Variants in RAB8B observed in about 807,000 individuals in gnomAD.
RAB8B encodes ras-related protein Rab-8B.
In RAB8B, 11 loss-of-function variants were observed where a neutral mutation model predicts 32.0. The observed-to-expected ratio is 0.34, with a 90% CI of 0.22 to 0.57. The LOEUF (loss-of-function observed/expected upper bound fraction) is 0.57, where lower values mean the gene tolerates loss of function less well. Ranked by LOEUF, RAB8B falls within the 20% of genes least tolerant of loss-of-function variation. The pLI is 0.86. For missense variants in RAB8B, 190 were observed against 258.5 expected, an observed-to-expected ratio of 0.73 and a Z score of 1.82; for synonymous variants, 103 against 89.6, an observed-to-expected ratio of 1.15 and a Z score of -0.85.
At chr15:63,257,672 A>G (rs1466440722) in intron 5 of RAB8B, among the ~76,000 whole-genome samples, 4 of 152,186 alleles carry the variant, frequency 2.6e-5, no homozygotes, top group Non-Finnish European at 5.9e-5. Context: ...CTTTTTGAGG[A>G]ATATATAAGA....
At chr15:63,221,370 C>A (rs1367535426) in intron 1 of RAB8B, among the ~76,000 whole-genome samples, 1 of 152,074 alleles carries the variant, frequency 6.6e-6, no homozygotes, top group Non-Finnish European at 1.5e-5. Flanking sequence ...TGAAGCTATA[C>A]TGTATGTATT....
chr15:63,196,747 T>C (rs1292477671), intron 1 of RAB8B, among the ~76,000 whole-genome samples: 1 of 152,250 alleles, frequency 6.6e-6, no homozygotes, highest in African/African-American at 2.4e-5. Flanking sequence ...GTGTTTAATT[T>C]GGACTCTTAA....
At chr15:63,195,205 G>A (rs1261478136) in intron 1 of RAB8B, among the ~76,000 whole-genome samples, 1 of 152,178 alleles carries the variant, frequency 6.6e-6, no homozygotes, top group Non-Finnish European at 1.5e-5. Context: ...TTTCAAAGCT[G>A]CCAGTAGATT....
chr15:63,212,155 AGT>A (rs1262712209), intron 1 of RAB8B, among the ~76,000 whole-genome samples: 1 of 152,156 alleles, frequency 6.6e-6, no homozygotes, highest in Admixed American at 6.5e-5. Context: ...CTTCCTACAC[AGT>A]GCGTTGTAGT....
intron 2 of RAB8B, among the ~76,000 whole-genome samples, chr15:63,245,769 A>G (rs2038065790): frequency 6.6e-6 from 1 of 152,248 alleles, no homozygotes; most frequent in African/African-American, 2.4e-5. Context: ...GCATATACAT[A>G]ATGAGATATC....
At chr15:63,211,816 A>T (rs12898908) in intron 1 of RAB8B, among the ~76,000 whole-genome samples, 24,018 of 152,116 alleles carry the variant, frequency 0.16, 2,308 homozygotes, top group East Asian at 0.47. Flanking sequence ...TCATTCAACA[A>T]CATGAAGAGC....
chr15:63,201,885 A>G (rs2037654023), intron 1 of RAB8B, among the ~76,000 whole-genome samples: 1 of 152,034 alleles, frequency 6.6e-6, no homozygotes, highest in Non-Finnish European at 1.5e-5. Context: ...TCCTCTCAAA[A>G]CAGGTGCTGG....
chr15:63,255,656 G>T, intron 4 of RAB8B, 72 bp downstream of exon 4: 10 of 1,283,018 alleles, frequency 7.8e-6, no homozygotes, highest in Non-Finnish European at 1.1e-5. Flanking sequence ...TCCTCTGTCT[G>T]CAAGGCAGCT....
At chr15:63,215,857 C>T (rs1019061913) in intron 1 of RAB8B, among the ~76,000 whole-genome samples, 1 of 151,766 alleles carries the variant, frequency 6.6e-6, no homozygotes, top group African/African-American at 2.4e-5. Context: ...GGCAACATGG[C>T]GAGACCCCAT....
At chr15:63,239,568 C>G (rs1217579619) in intron 1 of RAB8B, among the ~76,000 whole-genome samples, 1 of 152,084 alleles carries the variant, frequency 6.6e-6, no homozygotes, top group Non-Finnish European at 1.5e-5. Context: ...AGGCACCCAC[C>G]ACCACACCCA....
At chr15:63,206,509 C>T (rs1238704260) in intron 1 of RAB8B, among the ~76,000 whole-genome samples, 1 of 152,104 alleles carries the variant, frequency 6.6e-6, no homozygotes, top group Non-Finnish European at 1.5e-5. Context: ...ATATTTTCAC[C>T]TTTCCTTGTT....
chr15:63,211,483 G>A (rs2037746050), intron 1 of RAB8B, among the ~76,000 whole-genome samples: 1 of 152,160 alleles, frequency 6.6e-6, no homozygotes, highest in Admixed American at 6.5e-5. Context: ...ATGGCCATTA[G>A]AATAGGAAAG....
chr15:63,266,423 G>T lies in RAB8B; in HGVS notation c.*2804G>T, dbSNP rs555829361. The stretch of plus-strand genomic sequence containing the variant: ...CAATAATCTACCTGTGCATCAGTTA[G>T]TAGGTGCTGCAGGGTTTCTTACTAT... On this transcript the variant is annotated 3_prime_UTR_variant, in exon 8 of 8. Coordinates refer to ENST00000321437, the MANE Select transcript of RAB8B (RefSeq NM_016530.3). The T allele has an allele frequency of 6.5e-6, 1 of 152,702 alleles. No homozygotes were observed. Among genetic ancestry groups the T allele is most frequent in the East Asian group, 1.9e-4 (1 of 5,194 alleles). The allele number at this position is 152,702 out of a possible 1,614,324, so 9.5% of individuals were successfully genotyped here. A position where few individuals can be genotyped will look rare whatever the true frequency, so the allele number is the denominator to read the frequency against.
intron 1 of RAB8B, among the ~76,000 whole-genome samples, chr15:63,240,179 A>G (rs1444389365): frequency 2.0e-5 from 3 of 152,210 alleles, no homozygotes; most frequent in Non-Finnish European, 4.4e-5. Flanking sequence ...TAAATAGTGC[A>G]GTGACATTAC....
intron 1 of RAB8B, among the ~76,000 whole-genome samples, chr15:63,242,417 A>G (rs1277590540): frequency 1.3e-5 from 2 of 152,122 alleles, no homozygotes; most frequent in African/African-American, 2.4e-5. Context: ...GCTCACGCCT[A>G]TAATCCTAAC....
chr15:63,224,395 C>G (rs1441569982), intron 1 of RAB8B, among the ~76,000 whole-genome samples: 2 of 152,134 alleles, frequency 1.3e-5, no homozygotes, highest in Non-Finnish European at 2.9e-5. Context: ...ACTGTAGAAC[C>G]AAGATCATGT....
rs570138345 is a variant in RAB8B at position 63,265,659 on chromosome 15, A to T, written c.*2040A>T. The T allele has an allele frequency of 1.3e-5, 2 of 152,488 alleles. No individual in the cohort carries two copies. The highest frequency in any genetic ancestry group is 2.9e-5 in the Non-Finnish European group (2 of 67,972). 9.4% of individuals were successfully genotyped at this position (152,488 alleles called of 1,614,324 possible). On this transcript the variant is annotated 3_prime_UTR_variant, in exon 8 of 8. Coordinates refer to ENST00000321437, the MANE Select transcript of RAB8B (RefSeq NM_016530.3). The surrounding 1 kb of genome is among the most constrained non-coding windows in gnomAD (Gnocchi z 4.9). ...TTCTCTTAGTAATTTACCTCTGACT[A>T]TTTGGTGTCTTAACGCTTTGGTTTA... is the stretch of plus-strand genomic sequence containing the variant.
intron 1 of RAB8B, among the ~76,000 whole-genome samples, chr15:63,238,453 C>G (rs2038002870): frequency 6.6e-6 from 1 of 151,968 alleles, no homozygotes; most frequent in Admixed American, 6.6e-5. Context: ...TCCCCTTTTT[C>G]TTTCTTATTT....
At chr15:63,216,001 G>A (rs1291074760) in intron 1 of RAB8B, among the ~76,000 whole-genome samples, 2 of 151,810 alleles carry the variant, frequency 1.3e-5, no homozygotes, top group Non-Finnish European at 2.9e-5. Context: ...TTGTGTCACT[G>A]CACTCCAGTC....
Sources: gnomAD v4.1 joint callset for allele counts (sites outside exome capture counted in the v4.1 genomes callset) on GRCh38, gnomAD v4.1.1 for gene constraint, Gnocchi (gnomAD v3.1) non-coding constraint, MANE v1.5 for transcripts, NCBI Gene and HGNC (gene_info 2026-07-23, HGNC 2026-07-21) for gene names.